CTNNA3: variants seen among roughly 807,000 people sequenced by gnomAD.
The protein encoded by CTNNA3 is catenin alpha 3, also known as catenin alpha-3.
Under a neutral mutation model 95.7 loss-of-function variants are expected in CTNNA3, and 76 were observed. The observed-to-expected ratio is 0.79, with a 90% CI of 0.66 to 0.96. CTNNA3 has a LOEUF of 0.96. Among genes scored for constraint, CTNNA3 ranks in the 40% least tolerant of loss-of-function variants. The probability of loss-of-function intolerance (pLI) is 0.00; values close to 1 mark genes in which losing one functional copy is unlikely to be tolerated. For synonymous variants in CTNNA3, 431 were observed against 374.4 expected (o/e 1.15, Z -1.74); for missense variants, 1,191 against 1,089.8 (o/e 1.09, Z -1.31).
chr10:67,410,472 A>T (rs1845321216), intron 5 of CTNNA3, among the ~76,000 whole-genome samples: 1 of 152,124 alleles, frequency 6.6e-6, no homozygotes, highest in Admixed American at 6.6e-5. Flanking sequence ...TTACCTATGT[A>T]ATAAATCTGC....
chr10:66,052,415 G>A (rs557254114), intron 15 of CTNNA3, among the ~76,000 whole-genome samples: 2 of 148,666 alleles, frequency 1.3e-5, no homozygotes, highest in East Asian at 4.0e-4. Context: ...GGAAGGCAGA[G>A]GAAAATATCT....
chr10:65,929,621 T>C (rs2133136438), intron 17 of CTNNA3, among the ~76,000 whole-genome samples: 1 of 150,592 alleles, frequency 6.6e-6, no homozygotes, highest in South Asian at 2.1e-4. Context: ...TAGGCTGGAG[T>C]ACAGTGGCGC....
intron 7 of CTNNA3, among the ~76,000 whole-genome samples, chr10:66,825,279 A>AT (rs1212344876): frequency 1.6e-4 from 21 of 134,432 alleles, no homozygotes; most frequent in East Asian, 1.0e-3. Flanking sequence ...ACATATATAT[A>AT]TATATTTTTT....
At chr10:67,462,067 G>T (rs1847398774) in intron 5 of CTNNA3, among the ~76,000 whole-genome samples, 1 of 152,180 alleles carries the variant, frequency 6.6e-6, no homozygotes, top group South Asian at 2.1e-4. Context: ...TAATATGTTG[G>T]TGGTAGCAGC....
chr10:66,070,478 C>T (rs923387959), intron 14 of CTNNA3, among the ~76,000 whole-genome samples: 22 of 152,234 alleles, frequency 1.4e-4, no homozygotes, highest in Non-Finnish European at 2.6e-4. Flanking sequence ...TACAATAGCT[C>T]CAGATAGGTT....
chr10:66,309,675 G>A lies in CTNNA3; in HGVS notation c.1733-29054C>T, dbSNP rs1398533182. Among the ~76,000 whole-genome samples, 3 of 90,132 alleles carry A rather than the reference G, an allele frequency of 3.3e-5. No individual in the cohort carries two copies. In the East Asian group the frequency reaches 1.1e-3, roughly 33 times the overall value. 59.1% of individuals were successfully genotyped at this position (90,132 alleles called of 152,430 possible). A position where few individuals can be genotyped will look rare whatever the true frequency, so the allele number is the denominator to read the frequency against. The stretch of plus-strand genomic sequence containing the variant: ...CACTCCAGCCTAGGCGGCAGAGCGA[G>A]ACTCCGTCTCAAAAAAAAAAAAAAA... On this transcript the variant is annotated intron_variant, in intron 12 of 17. Coordinates refer to ENST00000433211, the MANE Select transcript of CTNNA3 (RefSeq NM_013266.4).
At chr10:67,385,634 T>C (rs911000227) in intron 5 of CTNNA3, among the ~76,000 whole-genome samples, 1 of 152,098 alleles carries the variant, frequency 6.6e-6, no homozygotes, top group Non-Finnish European at 1.5e-5. Flanking sequence ...TATAGGAGAA[T>C]TACCCAACTC....
intron 15 of CTNNA3, among the ~76,000 whole-genome samples, chr10:65,997,070 G>C (rs1481550384): frequency 1.3e-5 from 2 of 151,898 alleles, no homozygotes; most frequent in African/African-American, 4.8e-5. Context: ...TTCAAACATG[G>C]AAAGTCCAAG....
intron 17 of CTNNA3, among the ~76,000 whole-genome samples, chr10:65,945,873 C>G (rs1276738624): frequency 1.3e-5 from 2 of 152,162 alleles, no homozygotes; most frequent in African/African-American, 4.8e-5. Flanking sequence ...TACCATTACT[C>G]TTACCGTAAT....
chr10:66,394,752 G>A (rs2092961648), intron 11 of CTNNA3, among the ~76,000 whole-genome samples: 2 of 151,914 alleles, frequency 1.3e-5, no homozygotes, highest in South Asian at 2.1e-4. Flanking sequence ...GTATTCAATC[G>A]GGTATTATTC....
At chr10:67,690,105 G>T (rs1016533882) in intron 1 of CTNNA3, among the ~76,000 whole-genome samples, 1 of 152,262 alleles carries the variant, frequency 6.6e-6, no homozygotes, top group South Asian at 2.1e-4. Flanking sequence ...GTTCATATGT[G>T]TCCGGAGTTA....
intron 5 of CTNNA3, among the ~76,000 whole-genome samples, chr10:67,379,099 C>A (rs1178222926): frequency 6.6e-6 from 1 of 152,114 alleles, no homozygotes; most frequent in African/African-American, 2.4e-5. Context: ...CAAGATTTGA[C>A]CTTTTGTGGA....
At chr10:66,255,235 C>T (rs2090719958) in intron 13 of CTNNA3, among the ~76,000 whole-genome samples, 1 of 152,172 alleles carries the variant, frequency 6.6e-6, no homozygotes, top group Non-Finnish European at 1.5e-5. Flanking sequence ...GCCCTCTATC[C>T]ATGGTAGGCA....
chr10:66,374,391 G>C (rs979482685), intron 12 of CTNNA3, among the ~76,000 whole-genome samples: 1 of 152,098 alleles, frequency 6.6e-6, no homozygotes, highest in African/African-American at 2.4e-5. Flanking sequence ...TATTTTAAGA[G>C]GGCAGTAGAG....
chr10:66,287,123 A>G (rs2091602012), intron 12 of CTNNA3, among the ~76,000 whole-genome samples: 1 of 151,964 alleles, frequency 6.6e-6, no homozygotes, highest in Admixed American at 6.6e-5. Context: ...CCTGAAATAT[A>G]CGTTTATTAA....
At chr10:66,331,936 A>G (rs916381655) in intron 12 of CTNNA3, among the ~76,000 whole-genome samples, 4 of 152,062 alleles carry the variant, frequency 2.6e-5, no homozygotes, top group Non-Finnish European at 5.9e-5. Flanking sequence ...ACCCATGAGC[A>G]TGGAATGTTC....
At chr10:67,246,544 C>T (rs1865916993) in intron 5 of CTNNA3, among the ~76,000 whole-genome samples, 1 of 152,104 alleles carries the variant, frequency 6.6e-6, no homozygotes. Flanking sequence ...ATCAAGTTGA[C>T]TTTATGACTA....
intron 15 of CTNNA3, among the ~76,000 whole-genome samples, chr10:66,024,658 A>T (rs2079301114): frequency 6.6e-6 from 1 of 152,224 alleles, no homozygotes; most frequent in African/African-American, 2.4e-5. Flanking sequence ...CTGTTTGATA[A>T]TGTAAACAAT....
At chr10:67,749,092 G>A (rs922232659) in intron 1 of CTNNA3, among the ~76,000 whole-genome samples, 2 of 152,138 alleles carry the variant, frequency 1.3e-5, no homozygotes, top group Non-Finnish European at 2.9e-5. Context: ...AATTCAGTGA[G>A]AAGAACTAAC....
Sources: gnomAD v4.1 joint callset for allele counts (sites outside exome capture counted in the v4.1 genomes callset) on GRCh38, gnomAD v4.1.1 for gene constraint, MANE v1.5 for transcripts, NCBI Gene and HGNC (gene_info 2026-07-23, HGNC 2026-07-21) for gene names.